Variants in TEX36 observed in about 807,000 individuals in gnomAD.
The protein encoded by TEX36 is testis-expressed protein 36.
TEX36 carries 12 observed loss-of-function variants against 13.6 expected under a neutral mutation model. The ratio of observed to expected loss-of-function variants is 0.88; its 90% CI spans 0.56 to 1.43. The LOEUF (loss-of-function observed/expected upper bound fraction) is 1.43, where lower values mean the gene tolerates loss of function less well. TEX36 is among the 40% of genes most tolerant of loss of function. TEX36 has a pLI of 0.00. For missense variants in TEX36, 224 were observed against 228.3 expected, an observed-to-expected ratio of 0.98 and a Z score of 0.12; for synonymous variants, 93 against 83.0, an observed-to-expected ratio of 1.12 and a Z score of -0.65.
At chr10:125,661,789 G>A in intron 2 of TEX36, 57 bp downstream of exon 2, 1 of 1,538,016 alleles carries the variant, frequency 6.5e-7, no homozygotes. Flanking sequence ...TGCCAGCGGC[G>A]CTGCCCCCTG....
chr10:125,600,904 C>T (rs1431116647), intron 3 of TEX36, among the ~76,000 whole-genome samples: 3 of 152,196 alleles, frequency 2.0e-5, no homozygotes, highest in African/African-American at 2.4e-5. Flanking sequence ...CTGGATCCTA[C>T]CTGGAACTGC....
downstream of TEX36, among the ~76,000 whole-genome samples, chr10:125,651,985 A>C: frequency 6.6e-6 from 1 of 152,232 alleles, no homozygotes; most frequent in Admixed American, 6.5e-5. Flanking sequence ...GCTCAGTGAA[A>C]TAAAAGAGGA....
In TEX36 at chr10:125,641,479, A is replaced by G. The variant is rs74317039; in HGVS notation, c.264+19542T>C. The stretch of plus-strand genomic sequence containing the variant: ...TTATGCAGATGCCTGCTACATGCAC[A>G]AAAAGTGACTGAAGATTCCTAGTAT... On this transcript the variant is annotated intron_variant, in intron 3 of 3. Coordinates refer to the TEX36 transcript ENST00000526819. Among the ~76,000 whole-genome samples the G allele has an allele frequency of 4.0e-3, 607 of 152,328 alleles. 11 individuals are homozygous for G. Among genetic ancestry groups the G allele is most frequent in the African/African-American group, 0.014 (580 of 41,552 alleles).
chr10:125,609,396 T>G (rs1043216444), intron 3 of TEX36, among the ~76,000 whole-genome samples: 1 of 152,184 alleles, frequency 6.6e-6, no homozygotes, highest in African/African-American at 2.4e-5. Context: ...CTCTTTTTCT[T>G]GGGCACAGTT....
Position 125,647,333 on chromosome 10 carries a change from G to C in TEX36, c.264+13688C>G, listed in dbSNP as rs552800054. On this transcript the variant is annotated intron_variant, in intron 3 of 3. Transcript: ENST00000526819. ...TTCATTCATTTTACTCTTAAAATAT[G>C]CAGGGCTTTTATATGATGTGTACCA... Among the ~76,000 whole-genome samples the C allele has an allele frequency of 2.3e-4, 35 of 152,188 alleles. No homozygotes were observed. In the East Asian group the frequency reaches 6.2e-3, roughly 27 times the overall value.
intron 1 of TEX36, among the ~76,000 whole-genome samples, chr10:125,673,288 C>G (rs1589788626): frequency 6.6e-6 from 1 of 152,228 alleles, no homozygotes; most frequent in Admixed American, 6.5e-5. Context: ...CCTTCAGGAG[C>G]TCTTGCAAGG....
intron 3 of TEX36, among the ~76,000 whole-genome samples, chr10:125,602,894 T>G (rs1846166706): frequency 6.6e-6 from 1 of 152,232 alleles, no homozygotes; most frequent in Non-Finnish European, 1.5e-5. Context: ...AATGAATACT[T>G]CGAGGACAGC....
chr10:125,645,547 C>A (rs561181152), intron 3 of TEX36, among the ~76,000 whole-genome samples: 1 of 152,314 alleles, frequency 6.6e-6, no homozygotes, highest in South Asian at 2.1e-4. Flanking sequence ...CTGGACTTCT[C>A]AGCCTCCATA....
At chr10:125,611,340 T>C (rs1375214629) in intron 3 of TEX36, among the ~76,000 whole-genome samples, 1 of 152,204 alleles carries the variant, frequency 6.6e-6, no homozygotes, top group Non-Finnish European at 1.5e-5. Context: ...TTCCCACCCG[T>C]TTCCTGCCAC....
At chr10:125,666,930 C>T in intron 1 of TEX36, 1 of 613,724 alleles carries the variant, frequency 1.6e-6, no homozygotes, top group East Asian at 3.2e-5. Flanking sequence ...CCCAGTCTCA[C>T]TGCTTGGGGT....
intron 3 of TEX36, among the ~76,000 whole-genome samples, chr10:125,646,933 G>T (rs1589770988): frequency 1.3e-5 from 2 of 152,250 alleles, no homozygotes; most frequent in South Asian, 4.2e-4. Flanking sequence ...GGTGTCAGAA[G>T]ATAGAAAAGG....
chr10:125,641,533 G>A (rs1281678241), intron 3 of TEX36, among the ~76,000 whole-genome samples: 4 of 152,144 alleles, frequency 2.6e-5, no homozygotes, highest in Admixed American at 6.5e-5. Context: ...AGACAGCCTC[G>A]CTATGAAACG....
chr10:125,656,249 CTTTTTTTTTTTT>C (rs66461124), intron 3 of TEX36, 53 bp from the exon 4 acceptor site: 20 of 262,624 alleles, frequency 7.6e-5, no homozygotes, highest in African/African-American at 1.2e-4. Context: ...TCACATAGTT[CTTTTTTTTTTTT>C]TTTTTTTTTT....
chr10:125,654,121 T>A (rs1231225005), downstream of TEX36, among the ~76,000 whole-genome samples: 1 of 152,182 alleles, frequency 6.6e-6, no homozygotes, highest in East Asian at 1.9e-4. Flanking sequence ...GATATAATTT[T>A]CCATTTAGAA....
intron 3 of TEX36, among the ~76,000 whole-genome samples, chr10:125,628,863 G>C (rs767858972): frequency 1.5e-4 from 23 of 152,172 alleles, no homozygotes; most frequent in Non-Finnish European, 2.1e-4. Context: ...TGTGGTAGGG[G>C]GGACAGAAGA....
At chr10:125,616,884 GT>G (rs1846366399), downstream of TEX36, among the ~76,000 whole-genome samples, 1 of 150,236 alleles carries the variant, frequency 6.7e-6, no homozygotes, top group Admixed American at 6.6e-5. Context: ...TGACAGTGGG[GT>G]GTTAAAGTCT....
chr10:125,645,694 T>C (rs528278309), intron 3 of TEX36, among the ~76,000 whole-genome samples: 1 of 152,358 alleles, frequency 6.6e-6, no homozygotes, highest in East Asian at 1.9e-4. Flanking sequence ...TATTCTATTT[T>C]ACCAGAGTTA....
intron 3 of TEX36, among the ~76,000 whole-genome samples, chr10:125,628,893 G>A (rs749557535): frequency 2.0e-5 from 3 of 152,188 alleles, no homozygotes; most frequent in Admixed American, 6.5e-5. Context: ...GACTGATGAC[G>A]CATGTGCCGG....
chr10:125,647,253 C>T (rs1377752735), intron 3 of TEX36, among the ~76,000 whole-genome samples: 2 of 152,126 alleles, frequency 1.3e-5, no homozygotes, highest in African/African-American at 4.8e-5. Context: ...TTAATAAGCT[C>T]AAGCAAAGGA....
Sources: gnomAD v4.1 joint callset for allele counts (sites outside exome capture counted in the v4.1 genomes callset) on GRCh38, gnomAD v4.1.1 for gene constraint, MANE v1.5 for transcripts, NCBI Gene and HGNC (gene_info 2026-07-23, HGNC 2026-07-21) for gene names.